The following TTC21A variants were observed in gnomAD, a reference collection of about 807,000 sequenced individuals.
The protein encoded by TTC21A is tetratricopeptide repeat domain 21A.
In TTC21A, 128 loss-of-function variants were observed where a neutral mutation model predicts 156.4. That is an observed-to-expected ratio of 0.82 (90% CI 0.71 to 0.95). The LOEUF is 0.95. Ranked by LOEUF, TTC21A falls within the 40% of genes least tolerant of loss-of-function variation. The pLI is 0.00. For missense variants in TTC21A, 1,435 were observed against 1,602.3 expected, an observed-to-expected ratio of 0.90 and a Z score of 1.78; for synonymous variants, 587 against 617.1, an observed-to-expected ratio of 0.95 and a Z score of 0.72.
intron 6 of TTC21A, 137 bp from the exon 7 acceptor site, chr3:39,117,932 C>T: frequency 2.9e-6 from 2 of 697,790 alleles, no homozygotes; most frequent in Non-Finnish European, 2.6e-6. Context: ...GCAGCTTGTG[C>T]CTGGCTAATT....
At chr3:39,121,227 G>C (rs368270092) in intron 9 of TTC21A, 38 bp downstream of exon 9, 24 of 1,575,084 alleles carry the variant, frequency 1.5e-5, no homozygotes, top group Non-Finnish European at 2.1e-5. Flanking sequence ...GATGGGTGTC[G>C]GGAGCCAAAC....
rs151218360 is a variant in TTC21A at position 39,127,073 on chromosome 3, C to G, written c.1522+683C>G. Among the ~76,000 whole-genome samples the G allele has an allele frequency of 3.3e-4, 51 of 152,282 alleles. No individual in the cohort carries two copies. In the East Asian group the frequency reaches 7.3e-3, roughly 22 times the overall value. On this transcript the variant is annotated intron_variant, in intron 12 of 28. Coordinates refer to ENST00000683103, the MANE Select transcript of TTC21A (RefSeq NM_001366900.1). The stretch of plus-strand genomic sequence containing the variant: ...CTGTACCATGAGGCCTTCAGAGCCT[C>G]CAGGGGCCCTTTCACCTTCTCCCTT...
At position 39,126,265 on chromosome 3, in the gene TTC21A, G is replaced by A. The variant is rs2038232125; in HGVS notation, c.1397G>A (p.Arg466Lys). 3 of 1,613,966 alleles carry A rather than the reference G, an allele frequency of 1.9e-6. No homozygotes were observed. The highest frequency in any genetic ancestry group is 2.2e-5 in the East Asian group (1 of 44,898). Residue 466 changes from arginine (R) to lysine (K), a missense_variant, in exon 12 of 29, where the codon AGG becomes AAG. By Grantham distance (26) the Arg-to-Lys change is conservative. Transcript: ENST00000683103. ...TCCACCGCCGTGTTCCCACAGCCCA[G>A]GTTACCAGGCCAGATCGTGTCTCCA... ...EYLLFCPKQP[R>K]LPGQIVSPLL...
chr3:39,107,997 C>A, intron 1 of TTC21A, 133 bp downstream of exon 1: 2 of 1,132,482 alleles, frequency 1.8e-6, no homozygotes, highest in Non-Finnish European at 1.3e-6. Context: ...CTTTTCTTGC[C>A]CCACTCCCCC....
In TTC21A at chr3:39,112,482, G is replaced by C; in HGVS notation, c.460G>C (p.Asp154His). Residue 154 changes from aspartate (D) to histidine (H), a missense_variant, in exon 5 of 29, where the codon GAC becomes CAC. Transcript: ENST00000683103. ...REAYVLRGWVDLTSDKPHTAK... is the reference protein window; with the variant it reads ...REAYVLRGWVHLTSDKPHTAK... ...GGCCTATGTGCTCAGAGGCTGGGTG[G>C]ACCTGACCTCAGACAAGCCCCACAC... The C allele has an allele frequency of 6.2e-7, 1 of 1,614,206 alleles. No homozygotes were observed.
chr3:39,108,016 G>A (rs2036380443), intron 1 of TTC21A, 152 bp downstream of exon 1: 4 of 915,288 alleles, frequency 4.4e-6, no homozygotes, highest in Non-Finnish European at 6.6e-6. Context: ...CCTGGCAAGG[G>A]CGTCTTCTCC....
In TTC21A at chr3:39,129,308, C is replaced by T; in HGVS notation, c.2133C>T (p.Tyr711=). 4 of 1,609,860 alleles carry T rather than the reference C, an allele frequency of 2.5e-6. No individual in the cohort carries two copies. The highest frequency in any genetic ancestry group is 3.4e-6 in the Non-Finnish European group (4 of 1,176,090). ...LRDRRLYIRC[Y]RELCEHLPGP... The stretch of plus-strand genomic sequence containing the variant: ...ACAGGCGCCTCTACATCAGATGCTA[C>T]CGGTAAGCCCCACAGGCAGCACAAT... The change falls in exon 15 of 29, where the codon TAC becomes TAT. Residue 711 remains tyrosine (Y), a splice_region_variant and synonymous_variant. Coordinates refer to ENST00000683103, the MANE Select transcript of TTC21A (RefSeq NM_001366900.1).
At position 39,128,313 on chromosome 3, in the gene TTC21A, T is replaced by C; in HGVS notation, c.1523-18T>C. ...CCCTTGGGAACCCTGCATGTAGAGG[T>C]TTGTGTATTATTTCTAGGAGAGCTA... On this transcript the variant is annotated intron_variant, in intron 12 of 28. Transcript: ENST00000683103. 6.2e-7 allele frequency: 1 copy of C among 1,612,884 alleles called. No homozygotes were observed. The highest frequency in any genetic ancestry group is 8.5e-7 in the Non-Finnish European group (1 of 1,179,362).
chr3:39,120,898 C>G, intron 8 of TTC21A, 99 bp from the exon 9 acceptor site: 1 of 1,110,562 alleles, frequency 9.0e-7, no homozygotes, highest in Non-Finnish European at 1.3e-6. Context: ...CTGGGCCTAC[C>G]AGCCCTGCCT....
chr3:39,134,259 C>T lies in TTC21A; in HGVS notation c.2793C>T (p.His931=), dbSNP rs1463629233. ...ELAQLYLLQG[H]LDLCEQHCAI... ...CGCAGCTCTACCTGCTCCAGGGGCA[C>T]CTGGACCTGTGTGAGCAGCACTGTG... The change falls in exon 21 of 29, where the codon CAC becomes CAT. Residue 931 remains histidine, a synonymous_variant. Transcript: ENST00000683103. This position sits in a 1 kb window ranked among gnomAD's most constrained non-coding sequence, Gnocchi z 4.6. 2 of 1,613,984 alleles carry T rather than the reference C, an allele frequency of 1.2e-6. No individual in the cohort carries two copies. The highest frequency in any genetic ancestry group is 1.7e-5 in the Admixed American group (1 of 60,024).
intron 19 of TTC21A, chr3:39,132,775 A>G (rs2038829211): frequency 4.0e-6 from 2 of 502,702 alleles, no homozygotes; most frequent in East Asian, 3.7e-5. Flanking sequence ...AATTAGACAC[A>G]GAACCTCAAG....
chr3:39,138,725 C>T lies in TTC21A; in HGVS notation c.3879C>T (p.His1293=), dbSNP rs745585550. ...CTCTGTTCCAGGTCCTCAGGGAGCA[C>T]CCCGACTACCCCAAGATCAGGGAGG... The part of the protein sequence containing the change: ...IEICNDVLRE[H]PDYPKIREEI... The change falls in exon 29 of 29, where the codon CAC becomes CAT. Residue 1293 remains histidine (H), a synonymous_variant. Transcript: ENST00000683103. 6.2e-7 allele frequency: 1 copy of T among 1,614,132 alleles called. No individual in the cohort carries two copies. Among genetic ancestry groups the T allele is most frequent in the South Asian group, 1.1e-5 (1 of 91,082 alleles).
intron 27 of TTC21A, 69 bp downstream of exon 27, chr3:39,138,456 G>GA: frequency 6.2e-7 from 1 of 1,613,444 alleles, no homozygotes; most frequent in East Asian, 2.2e-5. Context: ...CCCCCACCAT[G>GA]ACCCCAGAAC....
At position 39,114,593 on chromosome 3, in the gene TTC21A, C is replaced by T. The variant is rs968245412; in HGVS notation, c.567C>T (p.Tyr189=). Residue 189 remains tyrosine, a synonymous_variant, in exon 6 of 29, where the codon TAC becomes TAT. Coordinates refer to ENST00000683103, the MANE Select transcript of TTC21A (RefSeq NM_001366900.1). Reference sequence around the variant, plus strand: ...TGTCTGGCTCCCAACAGGCAATGTACTTCATGATGCAGCAGAACTACTCAG... The same window carrying T: ...TGTCTGGCTCCCAACAGGCAATGTATTTCATGATGCAGCAGAACTACTCAG... ...DVLGLMGKAM[Y]FMMQQNYSEA... 14 of 1,614,040 alleles carry T rather than the reference C, an allele frequency of 8.7e-6. No individual in the cohort carries two copies. The Admixed American group carries it at 1.8e-4, about 21-fold the overall frequency.
intron 9 of TTC21A, among the ~76,000 whole-genome samples, chr3:39,123,379 C>G (rs997261688): frequency 2.0e-5 from 3 of 152,104 alleles, no homozygotes; most frequent in African/African-American, 7.2e-5. Context: ...CAAAACATAT[C>G]ACAAAACTAC....
intron 3 of TTC21A, chr3:39,110,489 C>T (rs2036716361): frequency 2.0e-6 from 1 of 500,278 alleles, no homozygotes; most frequent in Non-Finnish European, 3.6e-6. Flanking sequence ...TTTCTAGAGT[C>T]AGGGAGAGGG....
At chr3:39,111,059 A>G (rs1228885789) in intron 4 of TTC21A, 42 bp downstream of exon 4, 6 of 1,567,374 alleles carry the variant, frequency 3.8e-6, no homozygotes, top group African/African-American at 1.4e-5. Context: ...AGAAAGCAGC[A>G]TCCAAACACA....
chr3:39,132,853 C>T, intron 19 of TTC21A, 199 bp from the exon 20 acceptor site: 2 of 608,568 alleles, frequency 3.3e-6, no homozygotes, highest in South Asian at 2.0e-5. Context: ...TGCTTCTGCT[C>T]CTGCCCCCAG....
intron 12 of TTC21A, among the ~76,000 whole-genome samples, chr3:39,127,106 C>T (rs1040541130): frequency 6.6e-6 from 1 of 152,154 alleles, no homozygotes; most frequent in African/African-American, 2.4e-5. Context: ...CTTCTCAAGG[C>T]CCAGACCCTG....
Sources: allele counts gnomAD v4.1 joint callset (sites outside exome capture counted in the v4.1 genomes callset), GRCh38; gene constraint gnomAD v4.1.1; non-coding constraint Gnocchi (gnomAD v3.1); transcripts MANE v1.5; gene names NCBI Gene and HGNC (gene_info 2026-07-23, HGNC 2026-07-21).